Variants in OTUD6B observed in about 807,000 individuals in gnomAD.
OTUD6B encodes OTU deubiquitinase 6B, also known as deubiquitinase OTUD6B.
OTUD6B carries 41 observed loss-of-function variants against 36.9 expected under a neutral mutation model. That is an observed-to-expected ratio of 1.11 (90% confidence interval 0.87 to 1.44). The LOEUF (loss-of-function observed/expected upper bound fraction) is 1.44, where lower values mean the gene tolerates loss of function less well. Ranked by LOEUF, OTUD6B falls within the 40% of genes most tolerant of loss-of-function variation. The pLI, the probability that OTUD6B is intolerant of heterozygous loss-of-function variation, is 0.00. For synonymous variants in OTUD6B, 114 were observed against 114.2 expected, an observed-to-expected ratio of 1.00 and a Z score of 0.01; for missense variants, 356 against 344.8, an observed-to-expected ratio of 1.03 and a Z score of -0.26.
chr8:91,075,761 C>T (rs1256343097), intron 3 of OTUD6B, among the ~76,000 whole-genome samples: 1 of 151,990 alleles, frequency 6.6e-6, no homozygotes, highest in African/African-American at 2.4e-5. Flanking sequence ...AGTCAGGATG[C>T]ACAATCGGGT....
chr8:91,070,503 C>G, intron 1 of OTUD6B, 37 bp downstream of exon 1: 1 of 1,547,648 alleles, frequency 6.5e-7, no homozygotes, highest in South Asian at 1.2e-5. Flanking sequence ...GAAGCCGCCG[C>G]GACTGGGGGA....
At chr8:91,079,819 CTTAA>C (rs1183617317) in intron 4 of OTUD6B, among the ~76,000 whole-genome samples, 2 of 152,086 alleles carry the variant, frequency 1.3e-5, no homozygotes, top group Admixed American at 6.6e-5. Flanking sequence ...ACACAAAAGA[CTTAA>C]TTAATTATCT....
chr8:91,076,858 T>C (rs1384452831), intron 3 of OTUD6B: 1 of 649,866 alleles, frequency 1.5e-6, no homozygotes, highest in African/African-American at 1.8e-5. Context: ...ATAAATTTGT[T>C]CCTATTACTT....
At chr8:91,076,178 C>G (rs1281892041) in intron 3 of OTUD6B, among the ~76,000 whole-genome samples, 2 of 152,028 alleles carry the variant, frequency 1.3e-5, no homozygotes, top group Non-Finnish European at 2.9e-5. Context: ...TCTTAATATT[C>G]CCTTTGAATC....
chr8:91,085,776 G>A lies in OTUD6B; in HGVS notation c.*908G>A, dbSNP rs1351823177. On this transcript the variant is annotated 3_prime_UTR_variant, in exon 7 of 7. Transcript: ENST00000404789. Reference sequence around the variant, plus strand: ...TTACCTTGTGCAATTTTAGGGAGTAGCAGTGTAAAAGGTCCAAGACCACAT... The same window carrying A: ...TTACCTTGTGCAATTTTAGGGAGTAACAGTGTAAAAGGTCCAAGACCACAT... The A allele has an allele frequency of 6.6e-6, 1 of 152,016 alleles. No individual in the cohort carries two copies. Among genetic ancestry groups the A allele is most frequent in the Non-Finnish European group, 1.5e-5 (1 of 67,978 alleles). 9.4% of individuals were successfully genotyped at this position (152,016 alleles called of 1,614,324 possible).
Position 91,078,513 on chromosome 8 carries a change from G to A in OTUD6B, c.473G>A (p.Cys158Tyr). ...AAACAGATTCCATCTGATGGCCACT[G>A]TATGTATAAAGCCATTGAAGATCAA... ...EIKQIPSDGHCMYKAIEDQLK... is the reference protein window; with the variant it reads ...EIKQIPSDGHYMYKAIEDQLK... The change falls in exon 4 of 7, where the codon TGT (cysteine) becomes TAT (tyrosine). Residue 158 changes from cysteine to tyrosine, a missense_variant. Cys to Tyr is a radical substitution (Grantham distance 194, BLOSUM62 -2). Coordinates refer to ENST00000404789, the MANE Select transcript of OTUD6B (RefSeq NM_016023.5). The A allele has an allele frequency of 3.7e-6, 6 of 1,609,912 alleles. No individual in the cohort carries two copies. The highest frequency in any genetic ancestry group is 5.1e-6 in the Non-Finnish European group (6 of 1,177,976).
chr8:91,071,211 G>C lies in OTUD6B; in HGVS notation c.156G>C (p.Val52=), dbSNP rs1280089760. 8.7e-6 allele frequency: 14 copies of C among 1,613,694 alleles called. No homozygotes were observed. Among genetic ancestry groups the C allele is most frequent in the Non-Finnish European group, 1.0e-5 (12 of 1,179,680 alleles). ...GGAGGAAGCAACTCACCGAAGATGT[G>C]GCCAAGTTGGAAAAAGAAATGGAAC... ...KKRRKQLTED[V]AKLEKEMEQK... Residue 52 remains valine, a synonymous_variant, in exon 2 of 7, where the codon GTG becomes GTC. Coordinates refer to ENST00000404789, the MANE Select transcript of OTUD6B (RefSeq NM_016023.5).
At chr8:91,083,469 G>T (rs1236820653) in intron 5 of OTUD6B, among the ~76,000 whole-genome samples, 1 of 152,194 alleles carries the variant, frequency 6.6e-6, no homozygotes, top group African/African-American at 2.4e-5. Context: ...CAGGGCTTGA[G>T]CAGTCTCTGC....
chr8:91,083,821 G>A, intron 5 of OTUD6B, 187 bp from the exon 6 acceptor site: 1 of 264,920 alleles, frequency 3.8e-6, no homozygotes, highest in Non-Finnish European at 5.8e-6. Flanking sequence ...TTTAGGATAA[G>A]GGATATTCAA....
At chr8:91,080,985 A>G (rs886085481) in intron 5 of OTUD6B, among the ~76,000 whole-genome samples, 2 of 152,176 alleles carry the variant, frequency 1.3e-5, no homozygotes, top group Non-Finnish European at 2.9e-5. Flanking sequence ...TTAGAAATAC[A>G]TATGTGTAAG....
rs11786324 is a variant in OTUD6B at position 91,078,345 on chromosome 8, G to C, written c.316-11G>C. 0.63 allele frequency: 969,211 copies of C among 1,543,786 alleles called. 306,373 individuals carry two copies. The highest frequency in any genetic ancestry group is 0.66 in the African/African-American group (47,798 of 72,256). ...TTATGAATTAACTTTCATGCATTCT[G>C]CTTTTCTTAGGAAAAGAAAGCTGCA... On this transcript the variant is annotated splice_polypyrimidine_tract_variant and intron_variant, in intron 3 of 6. Transcript: ENST00000404789.
chr8:91,077,112 C>G (rs140482807), intron 3 of OTUD6B, among the ~76,000 whole-genome samples: 1 of 152,118 alleles, frequency 6.6e-6, no homozygotes, highest in African/African-American at 2.4e-5. Flanking sequence ...TTCACTGTAA[C>G]TTATTAATGT....
intron 2 of OTUD6B, 101 bp downstream of exon 2, chr8:91,071,390 T>A: frequency 1.0e-6 from 1 of 978,580 alleles, no homozygotes; most frequent in Non-Finnish European, 1.5e-6. Context: ...TGAGACGGTG[T>A]CTCGCTTTGC....
At chr8:91,077,779 A>G (rs1407322894) in intron 3 of OTUD6B, among the ~76,000 whole-genome samples, 1 of 152,094 alleles carries the variant, frequency 6.6e-6, no homozygotes, top group African/African-American at 2.4e-5. Context: ...CCAAACCTCT[A>G]GAGCAAGCAC....
chr8:91,077,674 CATATG>C (rs1294366645), intron 3 of OTUD6B, among the ~76,000 whole-genome samples: 1 of 151,894 alleles, frequency 6.6e-6, no homozygotes, highest in Non-Finnish European at 1.5e-5. Flanking sequence ...TAGAATGTAA[CATATG>C]ATACCATTTT....
rs994406791 is a variant in OTUD6B, at chr8:91,085,623, C to T, written c.*755C>T. The T allele has an allele frequency of 2.0e-5, 3 of 151,932 alleles. No individual in the cohort carries two copies. Among genetic ancestry groups the T allele is most frequent in the Admixed American group, 6.6e-5 (1 of 15,242 alleles). The allele number at this position is 151,932 out of a possible 1,614,324, so 9.4% of individuals were successfully genotyped here. ...CTTTTTAATGCATTTGTTATTCTTT[C>T]GTATTTTTTAAGCATCGGACTGGAG... On this transcript the variant is annotated 3_prime_UTR_variant, in exon 7 of 7. Transcript: ENST00000404789.
At position 91,070,493 on chromosome 8, in the gene OTUD6B, G is replaced by A. The variant is rs572564940; in HGVS notation, c.82+27G>A. ...TGAGGCGGAAGGAAGTGGGAATCTG[G>A]AAGCCGCCGCGACTGGGGGAAGGGC... On this transcript the variant is annotated intron_variant, in intron 1 of 6. Coordinates refer to ENST00000404789, the MANE Select transcript of OTUD6B (RefSeq NM_016023.5). 27 of 1,552,222 alleles carry A rather than the reference G, an allele frequency of 1.7e-5. No individual in the cohort carries two copies. The Admixed American group carries it at 4.7e-4, about 27-fold the overall frequency.
In OTUD6B at chr8:91,078,703, C is replaced by T. The variant is rs1394184992; in HGVS notation, c.628+35C>T. 6 of 1,425,524 alleles carry T rather than the reference C, an allele frequency of 4.2e-6. No homozygotes were observed. In the South Asian group the frequency reaches 8.2e-5, roughly 19 times the overall value. 88.3% of individuals were successfully genotyped at this position (1,425,524 alleles called of 1,614,324 possible). A position where few individuals can be genotyped will look rare whatever the true frequency, so the allele number is the denominator to read the frequency against. ...TTTTCTTTACTATGTTTTATTGTTG[C>T]TTTGTTGTAGTTGTTTTTAAATAAG... On this transcript the variant is annotated intron_variant, in intron 4 of 6. Coordinates refer to ENST00000404789, the MANE Select transcript of OTUD6B (RefSeq NM_016023.5).
rs1383627113 is a variant in OTUD6B, at chr8:91,073,872, G to A, written c.276G>A (p.Glu92=). 2 of 1,594,612 alleles carry A rather than the reference G, an allele frequency of 1.3e-6. No homozygotes were observed. Among genetic ancestry groups the A allele is most frequent in the South Asian group, 1.1e-5 (1 of 87,844 alleles). The part of the protein sequence containing the change: ...VAVNISNLVL[E]NQPPRISKAQ... The stretch of plus-strand genomic sequence containing the variant: ...TTAACATTTCAAACTTGGTGCTTGA[G>A]AATCAGCCACCTCGGATATCAAAAG... The change falls in exon 3 of 7, where the codon GAG becomes GAA. Residue 92 remains glutamate, a synonymous_variant. Coordinates refer to ENST00000404789, the MANE Select transcript of OTUD6B (RefSeq NM_016023.5).
Sources: gnomAD v4.1 joint callset for allele counts (sites outside exome capture counted in the v4.1 genomes callset) on GRCh38, gnomAD v4.1.1 for gene constraint, MANE v1.5 for transcripts, NCBI Gene and HGNC (gene_info 2026-07-23, HGNC 2026-07-21) for gene names.